RNF168: variants seen among roughly 807,000 people sequenced by gnomAD.
RNF168 encodes the protein E3 ubiquitin-protein ligase RNF168.
Under a neutral mutation model 34.9 loss-of-function variants are expected in RNF168, and 34 were observed. That is an observed-to-expected ratio of 0.97 (90% CI 0.74 to 1.30). The LOEUF (loss-of-function observed/expected upper bound fraction) is 1.30. Ranked by LOEUF, RNF168 falls within the 50% of genes most tolerant of loss-of-function variation. RNF168 has a pLI of 0.00. For synonymous variants in RNF168, 264 were observed against 254.7 expected, an observed-to-expected ratio of 1.04 and a Z score of -0.35; for missense variants, 725 against 682.5, an observed-to-expected ratio of 1.06 and a Z score of -0.69.
intron 1 of RNF168, among the ~76,000 whole-genome samples, chr3:196,492,798 AAATAAAAT>A (rs1452749649): frequency 2.6e-5 from 4 of 151,618 alleles, no homozygotes; most frequent in African/African-American, 9.7e-5. Context: ...ATAAATAAAT[AAATAAAAT>A]AAATAAATAG....
In RNF168 at chr3:196,487,723, G is replaced by C. The variant is rs1006638018; in HGVS notation, c.379-145C>G. 7.2e-6 allele frequency: 6 copies of C among 833,028 alleles called. No individual in the cohort carries two copies. The African/African-American group carries it at 1.0e-4, about 14-fold the overall frequency. The allele number at this position is 833,028 out of a possible 1,614,324, so 51.6% of individuals were successfully genotyped here. ...AATGAAGTACAAATCTGGAGAAGTA[G>C]ATTCCTGCAAGATAGCTGTCCCATC... is the stretch of plus-strand genomic sequence containing the variant. On this transcript the variant is annotated intron_variant, in intron 2 of 5. Coordinates refer to ENST00000318037, the MANE Select transcript of RNF168 (RefSeq NM_152617.4).
intron 1 of RNF168, among the ~76,000 whole-genome samples, chr3:196,496,674 T>C (rs910015110): frequency 5.3e-5 from 8 of 152,228 alleles, no homozygotes; most frequent in African/African-American, 1.7e-4. Flanking sequence ...ATCAAACTCC[T>C]AACAGGCTGT....
rs113586283 is a variant in RNF168, at chr3:196,503,573, G to C, written c.-400C>G. The C allele has an allele frequency of 0.07, 16,436 of 235,356 alleles. 729 individuals are homozygous for C. Among genetic ancestry groups the C allele is most frequent in the Middle Eastern group, 0.18 (93 of 528 alleles). 14.6% of individuals were successfully genotyped at this position (235,356 alleles called of 1,614,324 possible). On this transcript the variant is annotated 5_prime_UTR_variant, in exon 1 of 6. Transcript: ENST00000318037. ...CTCAGCTCGGGGCAGCCGGGCCCCG[G>C]GACGCGGCTCCGGGAGGAAGCCCGG...
chr3:196,486,354 CTTTTT>C (rs1005461715), intron 3 of RNF168, among the ~76,000 whole-genome samples: 1 of 148,378 alleles, frequency 6.7e-6, no homozygotes, highest in Non-Finnish European at 1.5e-5. Context: ...AGAAAAAAAG[CTTTTT>C]TTTTTGAGAT....
intron 4 of RNF168, among the ~76,000 whole-genome samples, chr3:196,482,569 C>A (rs144639015): frequency 2.6e-5 from 4 of 152,198 alleles, no homozygotes; most frequent in African/African-American, 9.7e-5. Context: ...CCAAGCAATG[C>A]GCAAGGATTC....
chr3:196,484,465 C>T (rs1373128238), intron 3 of RNF168, among the ~76,000 whole-genome samples: 4 of 138,606 alleles, frequency 2.9e-5, no homozygotes, highest in East Asian at 2.0e-4. Flanking sequence ...TGAGGCACCG[C>T]GCCCGGCCTT....
intron 4 of RNF168, among the ~76,000 whole-genome samples, chr3:196,479,284 A>AT (rs1426871759): frequency 3.3e-5 from 5 of 151,612 alleles, no homozygotes; most frequent in African/African-American, 1.2e-4. Context: ...AAGTGCTGGG[A>AT]TTACAGGTGT....
chr3:196,502,424 T>TA (rs1269620398), intron 1 of RNF168, among the ~76,000 whole-genome samples: 2 of 152,014 alleles, frequency 1.3e-5, no homozygotes, highest in Non-Finnish European at 1.5e-5. Context: ...CCGTCTCTAC[T>TA]AAAAAACAGA....
chr3:196,495,424 A>G (rs746963169), intron 1 of RNF168, among the ~76,000 whole-genome samples: 3 of 152,204 alleles, frequency 2.0e-5, no homozygotes, highest in Non-Finnish European at 2.9e-5. Context: ...AGGGTCATGC[A>G]CTGCATTTAG....
intron 1 of RNF168, among the ~76,000 whole-genome samples, chr3:196,495,176 C>CGTGT (rs34914417): frequency 0.01 from 1,526 of 150,032 alleles, 35 homozygotes; most frequent in South Asian, 0.072. Flanking sequence ...CATTGCCTTT[C>CGTGT]GTGTGTGTGT....
intron 4 of RNF168, among the ~76,000 whole-genome samples, chr3:196,481,409 C>G (rs1316561725): frequency 6.6e-6 from 1 of 151,366 alleles, no homozygotes; most frequent in East Asian, 1.9e-4. Context: ...TGCGCTCTAG[C>G]CTGGGTGACA....
intron 4 of RNF168, among the ~76,000 whole-genome samples, chr3:196,482,677 T>A (rs1388112501): frequency 6.6e-6 from 1 of 152,228 alleles, no homozygotes; most frequent in Non-Finnish European, 1.5e-5. Flanking sequence ...GTGGTTTTGA[T>A]ATGCATTTCC....
chr3:196,487,513 C>A lies in RNF168; in HGVS notation c.444G>T (p.Arg148Ser), dbSNP rs754402844. 4.8e-5 allele frequency: 77 copies of A among 1,614,032 alleles called. No individual in the cohort carries two copies. Among genetic ancestry groups the A allele is most frequent in the Admixed American group, 2.0e-4 (12 of 59,996 alleles). Reference protein sequence around the residue: ...ENKASEEYIQRLLAEEEEEEK... With the variant: ...ENKASEEYIQSLLAEEEEEEK... ...CCTCTTCTTCCTCCTCTGCCAACAA[C>A]CTCTGTATGTATTCTTCACTGGCTT... Residue 148 changes from arginine (R) to serine (S), a missense_variant, in exon 3 of 6, where the codon AGG becomes AGT. Transcript: ENST00000318037.
chr3:196,473,429 G>C (rs773004660), intron 5 of RNF168, among the ~76,000 whole-genome samples: 2 of 152,210 alleles, frequency 1.3e-5, no homozygotes, highest in Non-Finnish European at 2.9e-5. Flanking sequence ...GGATCTACCA[G>C]CCAGTCTAAT....
chr3:196,487,639 T>C, intron 2 of RNF168, 61 bp from the exon 3 acceptor site: 1 of 1,451,480 alleles, frequency 6.9e-7, no homozygotes. Context: ...TTGCAATATT[T>C]CATAACAAGA....
chr3:196,485,125 G>A (rs577812065), intron 3 of RNF168, among the ~76,000 whole-genome samples: 5 of 152,100 alleles, frequency 3.3e-5, no homozygotes, highest in South Asian at 2.1e-4. Flanking sequence ...TACCAGTCTC[G>A]TAAGTTTCTT....
Position 196,488,683 on chromosome 3 carries a change from G to T in RNF168, c.302C>A (p.Ala101Asp). ...RASGQESEEV[A>D]DDYQPVRLLS... ...CAGACGAACTGGCTGATAGTCATCA[G>T]CTATTTCATATCAAAAAAGAAAATA... The change falls in exon 2 of 6, where the codon GCT becomes GAT. Residue 101 changes from alanine (A) to aspartate (D), a missense_variant and splice_region_variant. Coordinates refer to ENST00000318037, the MANE Select transcript of RNF168 (RefSeq NM_152617.4). 1 of 1,587,166 alleles carries T rather than the reference G, an allele frequency of 6.3e-7. No homozygotes were observed. Among genetic ancestry groups the T allele is most frequent in the Non-Finnish European group, 8.6e-7 (1 of 1,156,252 alleles).
intron 3 of RNF168, among the ~76,000 whole-genome samples, chr3:196,485,336 C>T (rs1398232008): frequency 6.6e-6 from 1 of 151,996 alleles, no homozygotes; most frequent in African/African-American, 2.4e-5. Flanking sequence ...GGTGAAACCC[C>T]ATCGGCACTA....
chr3:196,502,324 A>C (rs1471606142), intron 1 of RNF168, among the ~76,000 whole-genome samples: 1 of 152,050 alleles, frequency 6.6e-6, no homozygotes, highest in Non-Finnish European at 1.5e-5. Context: ...CGGTGGCTCA[A>C]GCCTGTAATC....
Sources: gnomAD v4.1 joint callset for allele counts (sites outside exome capture counted in the v4.1 genomes callset) on GRCh38, gnomAD v4.1.1 for gene constraint, MANE v1.5 for transcripts, NCBI Gene and HGNC (gene_info 2026-07-23, HGNC 2026-07-21) for gene names.